The following TMEM132B variants were observed in gnomAD, a reference collection of about 807,000 sequenced individuals.
The protein encoded by TMEM132B is transmembrane protein 132B.
Under a neutral mutation model 90.8 loss-of-function variants are expected in TMEM132B, and 18 were observed. The observed-to-expected ratio is 0.20, with a 90% CI of 0.14 to 0.29. TMEM132B has a LOEUF of 0.29. Among genes scored for constraint, TMEM132B ranks in the 10% least tolerant of loss-of-function variants. TMEM132B has a pLI of 1.00. For synonymous variants in TMEM132B, 504 were observed against 523.3 expected (o/e 0.96, Z 0.50); for missense variants, 1,096 against 1,326.8 (o/e 0.83, Z 2.70).
rs759255431 is a variant in TMEM132B at position 125,350,029 on chromosome 12, C to T, written c.645C>T (p.Leu215=). 12 of 1,614,058 alleles carry T rather than the reference C, an allele frequency of 7.4e-6. No individual in the cohort carries two copies. Among genetic ancestry groups the T allele is most frequent in the East Asian group, 2.2e-5 (1 of 44,888 alleles). The part of the protein sequence containing the change: ...LEPEEEIPAL[L]GGTTMELFFT... ...CAGAGGAGGAGATCCCAGCCCTGCT[C>T]GGGGGCACCACGATGGAGCTCTTCT... is the stretch of plus-strand genomic sequence containing the variant. Residue 215 remains leucine (L), a synonymous_variant, in exon 2 of 9, where the codon CTC becomes CTT. Coordinates refer to ENST00000682704, the MANE Select transcript of TMEM132B (RefSeq NM_001366854.1).
intron 1 of TMEM132B, among the ~76,000 whole-genome samples, chr12:125,244,960 T>G (rs1874174416): frequency 6.6e-6 from 1 of 152,024 alleles, no homozygotes; most frequent in South Asian, 2.1e-4. Flanking sequence ...GTTTCCCCAT[T>G]TGTGCAATTG....
intron 1 of TMEM132B, among the ~76,000 whole-genome samples, chr12:125,249,842 AC>A (rs1349667866): frequency 2.0e-5 from 3 of 152,328 alleles, no homozygotes; most frequent in Admixed American, 2.0e-4. Flanking sequence ...GTTAGAAGAA[AC>A]AGGTTCAGAG....
intron 6 of TMEM132B, among the ~76,000 whole-genome samples, chr12:125,647,501 C>T (rs1265189918): frequency 6.6e-6 from 1 of 152,234 alleles, no homozygotes; most frequent in Non-Finnish European, 1.5e-5. Flanking sequence ...CAATGAATTT[C>T]TTGCCTGAAA....
intron 1 of TMEM132B, among the ~76,000 whole-genome samples, chr12:125,323,676 G>T (rs978992803): frequency 2.0e-5 from 3 of 152,088 alleles, no homozygotes; most frequent in Non-Finnish European, 2.9e-5. Flanking sequence ...ACACCATGAT[G>T]CCTGGCTAAT....
At chr12:125,283,152 G>A (rs1183343218) in intron 1 of TMEM132B, among the ~76,000 whole-genome samples, 1 of 151,984 alleles carries the variant, frequency 6.6e-6, no homozygotes, top group African/African-American at 2.4e-5. Context: ...AAGTCCCAGG[G>A]GACTTGCCAA....
intron 3 of TMEM132B, among the ~76,000 whole-genome samples, chr12:125,440,511 G>A (rs1880839591): frequency 6.6e-6 from 1 of 152,158 alleles, no homozygotes; most frequent in Non-Finnish European, 1.5e-5. Context: ...TTGATGCTGA[G>A]TGACTCATTA....
intron 1 of TMEM132B, among the ~76,000 whole-genome samples, chr12:125,315,729 G>A (rs889014950): frequency 1.3e-5 from 2 of 152,188 alleles, no homozygotes; most frequent in African/African-American, 4.8e-5. Flanking sequence ...TCACTTGCCT[G>A]TTGGTGGTTA....
chr12:125,563,598 CAAAA>C (rs77003788), intron 4 of TMEM132B, among the ~76,000 whole-genome samples: 8 of 150,294 alleles, frequency 5.3e-5, no homozygotes, highest in African/African-American at 2.0e-4. Flanking sequence ...AACAAACAAA[CAAAA>C]AAAAACCCCA....
chr12:125,630,681 T>C (rs11058274), intron 5 of TMEM132B, among the ~76,000 whole-genome samples: 49,281 of 151,836 alleles, frequency 0.32, 8,533 homozygotes, highest in African/African-American at 0.42. Context: ...TATAGATTAT[T>C]TTGTCACCCA....
intron 4 of TMEM132B, among the ~76,000 whole-genome samples, chr12:125,527,439 T>TCCACCC: frequency 7.3e-6 from 1 of 136,964 alleles, no homozygotes; most frequent in African/African-American, 2.8e-5. Context: ...CATCCACCTA[T>TCCACCC]TTACCCTTCC....
chr12:125,565,698 C>T (rs957992586), intron 4 of TMEM132B, among the ~76,000 whole-genome samples: 1 of 152,218 alleles, frequency 6.6e-6, no homozygotes. Flanking sequence ...CCCAGCTGAA[C>T]TCCTCTCGGC....
intron 1 of TMEM132B, among the ~76,000 whole-genome samples, chr12:125,234,753 G>A (rs564053344): frequency 6.6e-6 from 1 of 152,330 alleles, no homozygotes; most frequent in South Asian, 2.1e-4. Flanking sequence ...ACACCAGGAT[G>A]CACCTAAAAT....
chr12:125,523,003 A>T (rs1266278444), intron 4 of TMEM132B, among the ~76,000 whole-genome samples: 2 of 152,180 alleles, frequency 1.3e-5, no homozygotes, highest in Non-Finnish European at 2.9e-5. Flanking sequence ...CCCTGATGAG[A>T]GGAGCCATGC....
In TMEM132B at chr12:125,595,203, G is replaced by T. The variant is rs572683471; in HGVS notation, c.1437+11209G>T. ...GCCCTTAGCTGGCAGCTCCATGAAGGGGGAGGGACCTATTGCTCTTCCTCA... is the reference window on the plus strand; with the variant it reads ...GCCCTTAGCTGGCAGCTCCATGAAGTGGGAGGGACCTATTGCTCTTCCTCA... On this transcript the variant is annotated intron_variant, in intron 5 of 8. Transcript: ENST00000682704. Among the ~76,000 whole-genome samples the T allele has an allele frequency of 2.6e-5, 4 of 152,290 alleles. No individual in the cohort carries two copies. In the East Asian group the frequency reaches 7.7e-4, roughly 29 times the overall value.
chr12:125,283,725 A>T (rs1162900473), intron 1 of TMEM132B, among the ~76,000 whole-genome samples: 1 of 152,232 alleles, frequency 6.6e-6, no homozygotes, highest in South Asian at 2.1e-4. Flanking sequence ...ACCAAGGCAG[A>T]TGCATTCCAG....
intron 1 of TMEM132B, among the ~76,000 whole-genome samples, chr12:125,332,199 A>T (rs1876797660): frequency 1.3e-5 from 2 of 152,236 alleles, no homozygotes; most frequent in African/African-American, 4.8e-5. Flanking sequence ...CATGTTACTT[A>T]GTATGTTTAT....
At chr12:125,331,147 G>T (rs2136204192) in intron 1 of TMEM132B, among the ~76,000 whole-genome samples, 1 of 152,336 alleles carries the variant, frequency 6.6e-6, no homozygotes, top group Admixed American at 6.5e-5. Flanking sequence ...GCCGGACTGG[G>T]AGCGGGGCGG....
At chr12:125,477,078 T>C (rs549905362) in intron 3 of TMEM132B, among the ~76,000 whole-genome samples, 1 of 152,266 alleles carries the variant, frequency 6.6e-6, no homozygotes, top group East Asian at 1.9e-4. Context: ...CAGGAAAACA[T>C]TACTGCAATT....
chr12:125,533,420 G>A (rs527378263), intron 4 of TMEM132B, among the ~76,000 whole-genome samples: 1 of 152,148 alleles, frequency 6.6e-6, no homozygotes, highest in Non-Finnish European at 1.5e-5. Flanking sequence ...CCCTTCCCAG[G>A]GCCCTCCAGC....
Sources: allele counts gnomAD v4.1 joint callset (sites outside exome capture counted in the v4.1 genomes callset), GRCh38; gene constraint gnomAD v4.1.1; transcripts MANE v1.5; gene names NCBI Gene and HGNC (gene_info 2026-07-23, HGNC 2026-07-21).